Variants in AP3S1 observed in about 807,000 individuals in gnomAD.
The protein encoded by AP3S1 is adaptor related protein complex 3 subunit sigma 1.
A neutral mutation model predicts 21.3 loss-of-function variants in AP3S1; 12 were observed. The ratio of observed to expected loss-of-function variants is 0.56; its 90% confidence interval spans 0.36 to 0.91. The LOEUF (loss-of-function observed/expected upper bound fraction) is 0.91. Ranked by LOEUF, AP3S1 falls within the 40% of genes least tolerant of loss-of-function variation. The pLI, the probability that AP3S1 is intolerant of heterozygous loss-of-function variation, is 0.01. For missense variants in AP3S1, 116 were observed against 225.0 expected (o/e 0.52, Z 3.10); for synonymous variants, 48 against 78.4 (o/e 0.61, Z 2.05).
chr5:115,887,364 CTT>C lies in AP3S1; in HGVS notation c.274-7713_274-7712del, dbSNP rs35452624. Among the ~76,000 whole-genome samples the C allele has an allele frequency of 2.7e-3, 400 of 147,790 alleles. 2 individuals are homozygous for C. Among genetic ancestry groups the C allele is most frequent in the African/African-American group, 9.1e-3 (366 of 40,324 alleles). ...TATCTTATAACATGTCAGTGTAACC[CTT>C]TTTTTTTTTCATTTATTATTGTAGA... is the stretch of plus-strand genomic sequence containing the variant. On this transcript the variant is annotated intron_variant, in intron 3 of 5. Coordinates refer to ENST00000316788, the MANE Select transcript of AP3S1 (RefSeq NM_001284.4).
chr5:115,853,529 A>T (rs1306383572), intron 1 of AP3S1, among the ~76,000 whole-genome samples: 1 of 152,116 alleles, frequency 6.6e-6, no homozygotes, highest in Non-Finnish European at 1.5e-5. Context: ...TATCTAAAAA[A>T]TCTTTGCCTA....
chr5:115,898,560 T>A (rs1472162004), intron 4 of AP3S1: 1 of 152,152 alleles, frequency 6.6e-6, no homozygotes, highest in Non-Finnish European at 1.5e-5. Flanking sequence ...AACACGGGGC[T>A]TGGGTTTTAT....
At chr5:115,873,429 G>C (rs1748445453) in intron 3 of AP3S1, among the ~76,000 whole-genome samples, 1 of 152,162 alleles carries the variant, frequency 6.6e-6, no homozygotes, top group Non-Finnish European at 1.5e-5. Flanking sequence ...AAGTAGGCTA[G>C]AGCTGTTTTT....
intron 3 of AP3S1, among the ~76,000 whole-genome samples, chr5:115,884,559 G>A (rs1406313038): frequency 6.6e-6 from 1 of 152,066 alleles, no homozygotes; most frequent in South Asian, 2.1e-4. Context: ...TGGGTGACAG[G>A]GTGAGACTTC....
At chr5:115,856,799 T>C (rs1762833882) in intron 1 of AP3S1, among the ~76,000 whole-genome samples, 1 of 152,188 alleles carries the variant, frequency 6.6e-6, no homozygotes, top group South Asian at 2.1e-4. Flanking sequence ...CACCAACTTA[T>C]TATTTCTTTG....
intron 5 of AP3S1, among the ~76,000 whole-genome samples, chr5:115,912,466 T>C (rs1284169293): frequency 1.3e-5 from 2 of 152,068 alleles, no homozygotes; most frequent in Non-Finnish European, 2.9e-5. Context: ...TTCTTTTATT[T>C]GTAAGCATAT....
intron 3 of AP3S1, among the ~76,000 whole-genome samples, chr5:115,885,684 C>G (rs1474644550): frequency 6.6e-6 from 1 of 152,204 alleles, no homozygotes; most frequent in Non-Finnish European, 1.5e-5. Flanking sequence ...CACCCAGAAA[C>G]AATACTTTAC....
chr5:115,908,171 C>A (rs1054732433), intron 5 of AP3S1, among the ~76,000 whole-genome samples: 13 of 152,004 alleles, frequency 8.6e-5, no homozygotes, highest in Non-Finnish European at 1.9e-4. Flanking sequence ...CGTTTTTGGT[C>A]CCTCTATCCA....
chr5:115,852,791 A>C (rs1384671741), intron 1 of AP3S1, among the ~76,000 whole-genome samples: 1 of 152,148 alleles, frequency 6.6e-6, no homozygotes, highest in African/African-American at 2.4e-5. Context: ...GCATATATTA[A>C]TATTTCATTA....
intron 5 of AP3S1, among the ~76,000 whole-genome samples, chr5:115,911,334 AACAC>A (rs375213578): frequency 4.0e-5 from 6 of 150,674 alleles, no homozygotes; most frequent in Admixed American, 6.6e-5. Flanking sequence ...TACACAGATA[AACAC>A]ACACACACAC....
At chr5:115,873,667 G>A (rs541373014) in intron 3 of AP3S1, among the ~76,000 whole-genome samples, 1 of 152,218 alleles carries the variant, frequency 6.6e-6, no homozygotes, top group South Asian at 2.1e-4. Context: ...AAACAAAGAT[G>A]GAAGTGCATA....
intron 3 of AP3S1, among the ~76,000 whole-genome samples, chr5:115,892,425 G>A (rs924500079): frequency 2.1e-4 from 32 of 152,152 alleles, no homozygotes; most frequent in Non-Finnish European, 4.4e-4. Flanking sequence ...ATCAGCAGAC[G>A]AATAATGGAT....
intron 4 of AP3S1, among the ~76,000 whole-genome samples, chr5:115,899,122 C>T (rs763967768): frequency 3.3e-4 from 50 of 152,186 alleles, no homozygotes; most frequent in Non-Finnish European, 6.0e-4. Flanking sequence ...GAGATCTGAT[C>T]GGAGGCCTGT....
At chr5:115,910,039 G>C (rs1447050053) in intron 5 of AP3S1, among the ~76,000 whole-genome samples, 1 of 152,172 alleles carries the variant, frequency 6.6e-6, no homozygotes, top group Non-Finnish European at 1.5e-5. Flanking sequence ...CAAGGCAGAA[G>C]ACTCACTTGA....
intron 1 of AP3S1, among the ~76,000 whole-genome samples, chr5:115,844,364 A>G (rs1249951181): frequency 2.0e-5 from 3 of 152,184 alleles, no homozygotes; most frequent in African/African-American, 7.2e-5. Flanking sequence ...CTGTGGAAAA[A>G]AAAATAAAGC....
intron 3 of AP3S1, among the ~76,000 whole-genome samples, chr5:115,887,965 C>T (rs774453894): frequency 3.9e-5 from 6 of 152,034 alleles, no homozygotes; most frequent in Middle Eastern, 6.8e-3. Context: ...AGGCATTTTT[C>T]GAAATCTATT....
intron 4 of AP3S1, among the ~76,000 whole-genome samples, chr5:115,899,420 A>T (rs1244119605): frequency 1.3e-5 from 2 of 152,216 alleles, no homozygotes; most frequent in Non-Finnish European, 1.5e-5. Flanking sequence ...CTACTGGAGA[A>T]GATAGAGTAA....
chr5:115,862,039 A>C (rs1302365265), intron 1 of AP3S1, among the ~76,000 whole-genome samples: 1 of 151,396 alleles, frequency 6.6e-6, no homozygotes, highest in African/African-American at 2.4e-5. Context: ...CGGTTCTTTA[A>C]CTTACTTTTT....
chr5:115,892,570 A>G (rs1406846892), intron 3 of AP3S1, among the ~76,000 whole-genome samples: 2 of 152,206 alleles, frequency 1.3e-5, no homozygotes, highest in East Asian at 1.9e-4. Context: ...GACAAACATC[A>G]TATGTTCTCC....
Sources: gnomAD v4.1 joint callset for allele counts (sites outside exome capture counted in the v4.1 genomes callset) on GRCh38, gnomAD v4.1.1 for gene constraint, MANE v1.5 for transcripts, NCBI Gene and HGNC (gene_info 2026-07-23, HGNC 2026-07-21) for gene names.